SLC35F1: variants seen among roughly 807,000 people sequenced by gnomAD.
SLC35F1 encodes solute carrier family 35 member F1, also known as chromosome 6 open reading frame 169.
In SLC35F1, 14 loss-of-function variants were observed where a neutral mutation model predicts 48.7. The ratio of observed to expected loss-of-function variants is 0.29; its 90% CI spans 0.19 to 0.45. The LOEUF (loss-of-function observed/expected upper bound fraction) is 0.45. Among genes scored for constraint, SLC35F1 ranks in the 20% least tolerant of loss-of-function variants. SLC35F1 has a pLI of 1.00. For synonymous variants in SLC35F1, 190 were observed against 202.2 expected (o/e 0.94, Z 0.51); for missense variants, 404 against 500.0 (o/e 0.81, Z 1.83).
chr6:118,057,654 A>G (rs753292096), intron 1 of SLC35F1, among the ~76,000 whole-genome samples: 18 of 152,186 alleles, frequency 1.2e-4, no homozygotes, highest in Admixed American at 5.9e-4. Flanking sequence ...AGAGGTTGCT[A>G]TGGTGGAAGT....
intron 2 of SLC35F1, among the ~76,000 whole-genome samples, chr6:118,224,776 T>C (rs1395158736): frequency 6.6e-6 from 1 of 152,258 alleles, no homozygotes; most frequent in Non-Finnish European, 1.5e-5. Context: ...GCAACTTTAC[T>C]GAATTTGCTT....
intron 7 of SLC35F1, among the ~76,000 whole-genome samples, chr6:118,291,754 C>A (rs760150736): frequency 2.6e-5 from 4 of 152,122 alleles, no homozygotes; most frequent in Admixed American, 6.6e-5. Flanking sequence ...TCAGGAGAGG[C>A]ATCTTTAAAC....
chr6:118,273,339 A>T (rs1181625807), intron 4 of SLC35F1, among the ~76,000 whole-genome samples: 1 of 152,180 alleles, frequency 6.6e-6, no homozygotes, highest in Non-Finnish European at 1.5e-5. Flanking sequence ...TTTCTATTAA[A>T]ATATTTCATT....
intron 1 of SLC35F1, among the ~76,000 whole-genome samples, chr6:117,929,219 G>C (rs905440752): frequency 3.9e-5 from 6 of 151,996 alleles, no homozygotes; most frequent in African/African-American, 1.4e-4. Flanking sequence ...TTGTCGAGGA[G>C]ATGGATTTGA....
chr6:118,018,801 T>C (rs1193798630), intron 1 of SLC35F1, among the ~76,000 whole-genome samples: 5 of 152,174 alleles, frequency 3.3e-5, no homozygotes, highest in Admixed American at 3.3e-4. Flanking sequence ...CAGATTTATA[T>C]TATTAGGCCA....
intron 1 of SLC35F1, among the ~76,000 whole-genome samples, chr6:118,128,155 G>GA (rs1406222060): frequency 6.9e-6 from 1 of 144,126 alleles, no homozygotes; most frequent in South Asian, 2.3e-4. Flanking sequence ...AAAAAGTCAG[G>GA]AAACAACAGG....
intron 1 of SLC35F1, among the ~76,000 whole-genome samples, chr6:118,074,760 C>T (rs1245260633): frequency 1.3e-5 from 2 of 152,120 alleles, no homozygotes; most frequent in African/African-American, 2.4e-5. Flanking sequence ...AGTGACCCTC[C>T]ACCTCAGCCT....
intron 1 of SLC35F1, among the ~76,000 whole-genome samples, chr6:117,997,009 G>T (rs1777003593): frequency 6.6e-6 from 1 of 152,108 alleles, no homozygotes; most frequent in Admixed American, 6.5e-5. Flanking sequence ...CAAAGGCAAA[G>T]AAGTTAAAAA....
Position 117,907,774 on chromosome 6 carries a change from A to G in SLC35F1, c.48A>G (p.Pro16=). The G allele has an allele frequency of 1.9e-6, 3 of 1,560,306 alleles. No individual in the cohort carries two copies. The highest frequency in any genetic ancestry group is 2.6e-6 in the Non-Finnish European group (3 of 1,162,802). The change falls in exon 1 of 8, where the codon CCA becomes CCG. Residue 16 remains proline (P), a synonymous_variant. Transcript: ENST00000360388. Reference sequence around the variant, plus strand: ...AGCAGCAGCTGCAGCCGCCGTCGCCAGCCCCGCCGAACCATGTGGTGACCA... The same window carrying G: ...AGCAGCAGCTGCAGCCGCCGTCGCCGGCCCCGCCGAACCATGTGGTGACCA... The part of the protein sequence containing the change: ...QPQQQLQPPS[P]APPNHVVTTI...
intron 2 of SLC35F1, among the ~76,000 whole-genome samples, chr6:118,165,245 C>T (rs556315058): frequency 6.6e-6 from 1 of 152,322 alleles, no homozygotes; most frequent in South Asian, 2.1e-4. Flanking sequence ...CACCCTTTCT[C>T]TCCCCTTGTT....
At chr6:118,254,207 T>C (rs1247903284) in intron 3 of SLC35F1, among the ~76,000 whole-genome samples, 1 of 152,188 alleles carries the variant, frequency 6.6e-6, no homozygotes, top group African/African-American at 2.4e-5. Flanking sequence ...ATCCTCTGCA[T>C]CTATAACAAT....
At chr6:117,929,141 C>T (rs1052029629) in intron 1 of SLC35F1, among the ~76,000 whole-genome samples, 4 of 152,094 alleles carry the variant, frequency 2.6e-5, no homozygotes, top group Non-Finnish European at 5.9e-5. Context: ...TTTCTTACCC[C>T]TCTCTAATTC....
intron 7 of SLC35F1, among the ~76,000 whole-genome samples, chr6:118,310,246 A>T (rs1776357487): frequency 6.6e-6 from 1 of 152,166 alleles, no homozygotes; most frequent in African/African-American, 2.4e-5. Context: ...AGCTTCCCTT[A>T]CCTGTAACTC....
intron 1 of SLC35F1, among the ~76,000 whole-genome samples, chr6:118,005,163 C>G (rs1219905555): frequency 6.6e-6 from 1 of 152,110 alleles, no homozygotes; most frequent in East Asian, 1.9e-4. Flanking sequence ...AGGAGTGGAA[C>G]TGCCTGATGT....
intron 1 of SLC35F1, among the ~76,000 whole-genome samples, chr6:117,950,490 C>A (rs1233376022): frequency 6.6e-6 from 1 of 152,124 alleles, no homozygotes; most frequent in Non-Finnish European, 1.5e-5. Flanking sequence ...ACTTATTGAG[C>A]ATCATTTATT....
At position 118,307,685 on chromosome 6, in the gene SLC35F1, C is replaced by G. The variant is rs949000462; in HGVS notation, c.1003-6343C>G. Among the ~76,000 whole-genome samples, 10 of 152,270 alleles carry G rather than the reference C, an allele frequency of 6.6e-5. No homozygotes were observed. In the East Asian group the frequency reaches 1.9e-3, roughly 29 times the overall value. On this transcript the variant is annotated intron_variant, in intron 7 of 7. Coordinates refer to ENST00000360388, the MANE Select transcript of SLC35F1 (RefSeq NM_001029858.4). ...GAGCCAAAATTAGGAGGTCAGGCAT[C>G]AACTTGTTTGTGTTCGTTTTTCCAT...
chr6:118,157,756 C>T (rs567597980), intron 2 of SLC35F1, among the ~76,000 whole-genome samples: 2 of 152,280 alleles, frequency 1.3e-5, no homozygotes, highest in African/African-American at 4.8e-5. Context: ...CTGCTTTTAT[C>T]CCAGCTGTGC....
At chr6:118,221,823 A>T (rs1186380826) in intron 2 of SLC35F1, among the ~76,000 whole-genome samples, 1 of 152,164 alleles carries the variant, frequency 6.6e-6, no homozygotes, top group Non-Finnish European at 1.5e-5. Flanking sequence ...TATCATTTTA[A>T]TTTGTAACTA....
chr6:117,939,363 T>G (rs1475680895), intron 1 of SLC35F1, among the ~76,000 whole-genome samples: 1 of 152,218 alleles, frequency 6.6e-6, no homozygotes, highest in Non-Finnish European at 1.5e-5. Context: ...CCCAGACAGA[T>G]CTGAGTCTGA....
Sources: gnomAD v4.1 joint callset for allele counts (sites outside exome capture counted in the v4.1 genomes callset) on GRCh38, gnomAD v4.1.1 for gene constraint, MANE v1.5 for transcripts, NCBI Gene and HGNC (gene_info 2026-07-23, HGNC 2026-07-21) for gene names.